Variants in CDYL2 observed in about 807,000 individuals in gnomAD.
The protein encoded by CDYL2 is chromodomain Y-like protein 2.
CDYL2 carries 23 observed loss-of-function variants against 49.4 expected under a neutral mutation model. The observed-to-expected ratio is 0.47, with a 90% confidence interval of 0.34 to 0.66. The LOEUF (loss-of-function observed/expected upper bound fraction) is 0.66, where lower values mean the gene tolerates loss of function less well. CDYL2 is among the 30% of genes least tolerant of loss of function. CDYL2 has a pLI of 0.01. For missense variants in CDYL2, 678 were observed against 656.4 expected (o/e 1.03, Z -0.36); for synonymous variants, 360 against 268.8 (o/e 1.34, Z -3.32).
At chr16:80,698,941 C>A (rs565651478) in intron 1 of CDYL2, among the ~76,000 whole-genome samples, 43 of 152,096 alleles carry the variant, frequency 2.8e-4, no homozygotes, top group African/African-American at 1.0e-3. Flanking sequence ...CAGGAAAATG[C>A]AAATCAAAAC....
At chr16:80,693,428 A>C (rs1910496930) in intron 1 of CDYL2, among the ~76,000 whole-genome samples, 1 of 152,254 alleles carries the variant, frequency 6.6e-6, no homozygotes, top group Non-Finnish European at 1.5e-5. Flanking sequence ...AAAAAGCATT[A>C]AACAAGACAG....
intron 2 of CDYL2, among the ~76,000 whole-genome samples, chr16:80,656,644 G>A (rs1199214624): frequency 6.6e-6 from 1 of 152,206 alleles, no homozygotes; most frequent in East Asian, 1.9e-4. Context: ...CCATTAAGAA[G>A]GCTCCATAAA....
intron 1 of CDYL2, among the ~76,000 whole-genome samples, chr16:80,790,327 T>C (rs1422780595): frequency 6.6e-6 from 1 of 152,210 alleles, no homozygotes; most frequent in Non-Finnish European, 1.5e-5. Context: ...GCAAAGACTT[T>C]GCCATCTCTG....
chr16:80,670,940 C>T (rs1308285317), intron 2 of CDYL2: 9 of 455,902 alleles, frequency 2.0e-5, no homozygotes, highest in Admixed American at 1.9e-4. Context: ...AGCTGTTCTT[C>T]CACCACCTGG....
At chr16:80,753,559 G>C (rs752371344) in intron 1 of CDYL2, among the ~76,000 whole-genome samples, 1 of 152,100 alleles carries the variant, frequency 6.6e-6, no homozygotes, top group Non-Finnish European at 1.5e-5. Flanking sequence ...GATGAGCCAA[G>C]ATCGTGCCAT....
chr16:80,755,777 T>G (rs897585701), intron 1 of CDYL2, among the ~76,000 whole-genome samples: 1 of 152,212 alleles, frequency 6.6e-6, no homozygotes, highest in Admixed American at 6.5e-5. Flanking sequence ...TGATAGTGTA[T>G]GAATATTTGT....
At chr16:80,758,581 C>T (rs374782783) in intron 1 of CDYL2, among the ~76,000 whole-genome samples, 17 of 136,536 alleles carry the variant, frequency 1.2e-4, no homozygotes, top group Middle Eastern at 5.4e-3. Context: ...TCCACACTGT[C>T]GCTCAGGCTG....
At chr16:80,645,462 A>G (rs561564648) in intron 2 of CDYL2, among the ~76,000 whole-genome samples, 10 of 152,272 alleles carry the variant, frequency 6.6e-5, no homozygotes, top group South Asian at 4.1e-4. Context: ...TTAGAATGGC[A>G]ATCATTAAAA....
At chr16:80,697,345 G>A (rs182877964) in intron 1 of CDYL2, among the ~76,000 whole-genome samples, 3 of 152,138 alleles carry the variant, frequency 2.0e-5, no homozygotes, top group African/African-American at 7.2e-5. Context: ...AATGGATACA[G>A]AGAAAGCATT....
In CDYL2 at chr16:80,650,457, G is replaced by C. The variant is rs1053399212; in HGVS notation, c.617-17221C>G. Among the ~76,000 whole-genome samples, 27 of 152,224 alleles carry C rather than the reference G, an allele frequency of 1.8e-4. 2 individuals are homozygous for C. The highest frequency in any genetic ancestry group is 6.8e-3 in the Middle Eastern group (2 of 294). Reference sequence around the variant, plus strand: ...TATGTAAAATGGCTTATACCCACAAGACAGGCAGTAACAAATGCAGGAGAG... The same window carrying C: ...TATGTAAAATGGCTTATACCCACAACACAGGCAGTAACAAATGCAGGAGAG... On this transcript the variant is annotated intron_variant, in intron 2 of 6. Coordinates refer to ENST00000570137, the MANE Select transcript of CDYL2 (RefSeq NM_152342.4).
intron 1 of CDYL2, among the ~76,000 whole-genome samples, chr16:80,803,513 C>A (rs1384970592): frequency 6.6e-6 from 1 of 151,970 alleles, no homozygotes; most frequent in Non-Finnish European, 1.5e-5. Flanking sequence ...CGAGCTGGTG[C>A]GGGGGCAGCA....
At chr16:80,748,662 T>C (rs1461861345) in intron 1 of CDYL2, among the ~76,000 whole-genome samples, 2 of 151,652 alleles carry the variant, frequency 1.3e-5, no homozygotes, top group Non-Finnish European at 2.9e-5. Context: ...AAGATAACTA[T>C]TAGAAAAACA....
intron 1 of CDYL2, among the ~76,000 whole-genome samples, chr16:80,790,395 C>T (rs1168881536): frequency 6.6e-6 from 1 of 152,162 alleles, no homozygotes; most frequent in Non-Finnish European, 1.5e-5. Context: ...CCAAAATATA[C>T]AGCAATTAAG....
chr16:80,610,575 C>T (rs555094329), intron 5 of CDYL2, among the ~76,000 whole-genome samples: 1 of 134,006 alleles, frequency 7.5e-6, no homozygotes, highest in South Asian at 2.1e-4. Flanking sequence ...CTGGTGAAGA[C>T]CCATAAAATT....
In CDYL2 at chr16:80,743,516, G is replaced by A. The variant is rs78107392; in HGVS notation, c.25-58387C>T. Among the ~76,000 whole-genome samples the A allele has an allele frequency of 2.5e-3, 387 of 152,242 alleles. 3 individuals are homozygous for A. The highest frequency in any genetic ancestry group is 8.8e-3 in the African/African-American group (367 of 41,516). Reference sequence around the variant, plus strand: ...ACTGGGGTGTATGAATGGGTCAGGAGAGATGTTTCTTAAAACTTGTGTAGC... The same window carrying A: ...ACTGGGGTGTATGAATGGGTCAGGAAAGATGTTTCTTAAAACTTGTGTAGC... On this transcript the variant is annotated intron_variant, in intron 1 of 6. Transcript: ENST00000570137.
intron 3 of CDYL2, chr16:80,627,995 C>G (rs1567546504): frequency 6.6e-6 from 1 of 152,210 alleles, no homozygotes; most frequent in Non-Finnish European, 1.5e-5. Context: ...AAAGAGGAAT[C>G]AATCAGGGTC....
At chr16:80,681,868 T>C (rs1487413388) in intron 2 of CDYL2, among the ~76,000 whole-genome samples, 2 of 152,162 alleles carry the variant, frequency 1.3e-5, no homozygotes, top group Admixed American at 6.5e-5. Context: ...TATCTCTTCA[T>C]TACTCTACTT....
At chr16:80,690,698 T>G (rs1465461772) in intron 1 of CDYL2, among the ~76,000 whole-genome samples, 1 of 152,116 alleles carries the variant, frequency 6.6e-6, no homozygotes, top group South Asian at 2.1e-4. Flanking sequence ...CTTCAGGCTC[T>G]TCCCCTCAAC....
At chr16:80,754,006 A>G (rs1186721128) in intron 1 of CDYL2, among the ~76,000 whole-genome samples, 1 of 152,240 alleles carries the variant, frequency 6.6e-6, no homozygotes, top group African/African-American at 2.4e-5. Flanking sequence ...TGATGGAAGC[A>G]TGCCTTACTG....
Sources: gnomAD v4.1 joint callset for allele counts (sites outside exome capture counted in the v4.1 genomes callset) on GRCh38, gnomAD v4.1.1 for gene constraint, MANE v1.5 for transcripts, NCBI Gene and HGNC (gene_info 2026-07-23, HGNC 2026-07-21) for gene names.